The following LCN12 variants were observed in gnomAD, a reference collection of about 807,000 sequenced individuals.
LCN12 encodes the protein epididymal-specific lipocalin-12.
A neutral mutation model predicts 23.7 loss-of-function variants in LCN12; 15 were observed. That is an observed-to-expected ratio of 0.63 (90% CI 0.42 to 0.97). The LOEUF is 0.97. Ranked by LOEUF, LCN12 falls within the 50% of genes least tolerant of loss-of-function variation. The probability of loss-of-function intolerance (pLI) is 0.00; values close to 1 mark genes in which losing one functional copy is unlikely to be tolerated. For synonymous variants in LCN12, 116 were observed against 111.5 expected (o/e 1.04, Z -0.25); for missense variants, 219 against 249.6 (o/e 0.88, Z 0.83).
At chr9:136,949,236 A>T (rs190585952), upstream of LCN12, among the ~76,000 whole-genome samples, 706 of 151,844 alleles carry the variant, frequency 4.6e-3, 4 homozygotes, top group Non-Finnish European at 6.8e-3. Context: ...ATCTCTATTT[A>T]AAAAAAAAGT....
upstream of LCN12, among the ~76,000 whole-genome samples, chr9:136,950,667 T>C (rs1488814489): frequency 2.6e-5 from 4 of 151,688 alleles, no homozygotes; most frequent in Non-Finnish European, 5.9e-5. Flanking sequence ...AGGGGGATGG[T>C]GGAGAGTCGA....
chr9:136,955,052 A>G, intron 5 of LCN12: 1 of 1,391,894 alleles, frequency 7.2e-7, no homozygotes. Context: ...TGGTCTGCAC[A>G]CACCTGCACA....
chr9:136,955,445 G>T lies in LCN12; in HGVS notation c.*46G>T, dbSNP rs780952087. ...CGGCCCAGCCCTGCCTCACAGCTGT[G>T]CGAGCTCTGCCCTCCTCAGCTCTCA... On this transcript the variant is annotated 3_prime_UTR_variant, in exon 6 of 6. Transcript: ENST00000371633. 8 of 1,579,086 alleles carry T rather than the reference G, an allele frequency of 5.1e-6. No homozygotes were observed. In the South Asian group the frequency reaches 8.9e-5, roughly 18 times the overall value.
chr9:136,954,739 T>C (rs1851281805), intron 5 of LCN12: 1 of 1,290,462 alleles, frequency 7.7e-7, no homozygotes, highest in South Asian at 1.2e-5. Flanking sequence ...GCCCTGGACC[T>C]CAGCAGCCTG....
rs7030823 is a variant in LCN12, at chr9:136,954,265, T to C, written c.550+10T>C. On this transcript the variant is annotated intron_variant, in intron 5 of 5. Transcript: ENST00000371633. Reference sequence around the variant, plus strand: ...TTCCCAGATGTGACTGGTAACATGGTTCACCTGCAGGCATGCTGGGCAGTA... The same window carrying C: ...TTCCCAGATGTGACTGGTAACATGGCTCACCTGCAGGCATGCTGGGCAGTA... 596 of 1,559,940 alleles carry C rather than the reference T, an allele frequency of 3.8e-4. 3 individuals are homozygous for C. In the African/African-American group the frequency reaches 7.1e-3, roughly 19 times the overall value.
intron 2 of LCN12, 160 bp downstream of exon 2, chr9:136,953,188 G>T (rs1308882904): frequency 2.9e-6 from 3 of 1,021,638 alleles, no homozygotes; most frequent in African/African-American, 3.2e-5. Context: ...ATACAAAAAA[G>T]TGTGGGCAGC....
chr9:136,956,189 T>C (rs560227754), downstream of LCN12, among the ~76,000 whole-genome samples: 3 of 152,118 alleles, frequency 2.0e-5, no homozygotes, highest in South Asian at 4.2e-4. Context: ...CCCACTGTCC[T>C]CCGGGCAGGG....
In LCN12 at chr9:136,952,664, G is replaced by T. The variant is rs1011383746; in HGVS notation, c.114+223G>T. On this transcript the variant is annotated intron_variant, in intron 1 of 5. Transcript: ENST00000371633. Reference sequence around the variant, plus strand: ...CCAGCCCATCGCTCCCTCTGTGCGTGAGGGGAAACAGGCTCGGGAAGGCCG... The same window carrying T: ...CCAGCCCATCGCTCCCTCTGTGCGTTAGGGGAAACAGGCTCGGGAAGGCCG... The T allele has an allele frequency of 7.9e-6, 5 of 635,260 alleles. No individual in the cohort carries two copies. The East Asian group carries it at 1.4e-4, about 17-fold the overall frequency. The allele number at this position is 635,260 out of a possible 1,614,324, so 39.4% of individuals were successfully genotyped here.
At chr9:136,950,630 A>ACAGGC (rs910856060), upstream of LCN12, among the ~76,000 whole-genome samples, 2 of 152,144 alleles carry the variant, frequency 1.3e-5, no homozygotes, top group Non-Finnish European at 2.9e-5. Flanking sequence ...GGGGCTGCGG[A>ACAGGC]CAGGCGCTCC....
upstream of LCN12, among the ~76,000 whole-genome samples, chr9:136,950,714 T>C (rs1426609779): frequency 5.3e-5 from 8 of 152,170 alleles, no homozygotes; most frequent in Non-Finnish European, 1.2e-4. Context: ...GAACAGATTA[T>C]TTCCAACTTT....
rs370668052 is a variant in LCN12, at chr9:136,952,339, G to A, written c.12G>A (p.Leu4=). The A allele has an allele frequency of 6.2e-7, 1 of 1,610,948 alleles. No individual in the cohort carries two copies. Among genetic ancestry groups the A allele is most frequent in the Non-Finnish European group, 8.5e-7 (1 of 1,178,676 alleles). Residue 4 remains leucine (L), a synonymous_variant, in exon 1 of 6, where the codon CTG becomes CTA. Coordinates refer to ENST00000371633, the MANE Select transcript of LCN12 (RefSeq NM_178536.4). Reference sequence around the variant, plus strand: ...CAGCAGCTGCCAGGATGAGGCTGCTGTGTGGCCTGTGGCTGTGGCTCTCCT... The same window carrying A: ...CAGCAGCTGCCAGGATGAGGCTGCTATGTGGCCTGTGGCTGTGGCTCTCCT... The part of the protein sequence containing the change: MRL[L]CGLWLWLSLL...
chr9:136,953,098 C>T, intron 2 of LCN12, 70 bp downstream of exon 2: 1 of 1,591,604 alleles, frequency 6.3e-7, no homozygotes, highest in Non-Finnish European at 8.6e-7. Flanking sequence ...CCGCCAGTGG[C>T]TCAGGTGCGC....
At chr9:136,950,708 A>T (rs1166194788), upstream of LCN12, among the ~76,000 whole-genome samples, 1 of 152,174 alleles carries the variant, frequency 6.6e-6, no homozygotes, top group African/African-American at 2.4e-5. Flanking sequence ...GGGAATGAAC[A>T]GATTATTTCC....
At chr9:136,950,799 G>A (rs1020774841), upstream of LCN12, among the ~76,000 whole-genome samples, 1 of 152,174 alleles carries the variant, frequency 6.6e-6, no homozygotes, top group African/African-American at 2.4e-5. Context: ...GCCCTTCTAC[G>A]TGGGCAGTGA....
chr9:136,955,315 G>T (rs1170851872), intron 5 of LCN12, 56 bp from the exon 6 acceptor site: 10 of 1,587,432 alleles, frequency 6.3e-6, no homozygotes, highest in Non-Finnish European at 8.6e-6. Flanking sequence ...CTTCCTCCTG[G>T]GCTCTGTCCC....
At chr9:136,953,992 G>C (rs772634002) in intron 4 of LCN12, 28 bp downstream of exon 4, 6 of 1,600,358 alleles carry the variant, frequency 3.7e-6, no homozygotes, top group South Asian at 1.1e-5. Flanking sequence ...TCCTGGGCCC[G>C]TGTGTGGCCC....
intron 5 of LCN12, chr9:136,955,114 G>A: frequency 1.4e-6 from 2 of 1,415,866 alleles, no homozygotes; most frequent in East Asian, 2.6e-5. Context: ...GAGTCTGGGG[G>A]CCCATGGGGA....
intron 1 of LCN12, chr9:136,952,653 C>CGCAA (rs1851187744): frequency 3.2e-6 from 2 of 629,506 alleles, no homozygotes; most frequent in Admixed American, 2.9e-5. Flanking sequence ...CCCATCGCTC[C>CGCAA]CTCTGTGCGT....
chr9:136,952,260 G>A (rs1323460963), upstream of LCN12: 5 of 1,085,852 alleles, frequency 4.6e-6, no homozygotes, highest in Non-Finnish European at 6.9e-6. Context: ...ATGAAGAGGT[G>A]GGTCTCTGGG....
Sources: allele counts gnomAD v4.1 joint callset (sites outside exome capture counted in the v4.1 genomes callset), GRCh38; gene constraint gnomAD v4.1.1; transcripts MANE v1.5; gene names NCBI Gene and HGNC (gene_info 2026-07-23, HGNC 2026-07-21).